MINDY3: variants seen among roughly 807,000 people sequenced by gnomAD.
MINDY3 encodes the protein ubiquitin carboxyl-terminal hydrolase MINDY-3.
Under a neutral mutation model 69.2 loss-of-function variants are expected in MINDY3, and 38 were observed. The observed-to-expected ratio is 0.55, with a 90% CI of 0.42 to 0.72. The LOEUF is 0.72. MINDY3 is among the 30% of genes least tolerant of loss of function. MINDY3 has a pLI of 0.00. For missense variants in MINDY3, 522 were observed against 519.0 expected, an observed-to-expected ratio of 1.01 and a Z score of -0.06; for synonymous variants, 192 against 180.1, an observed-to-expected ratio of 1.07 and a Z score of -0.53.
At chr10:15,846,284 T>C (rs1019420048) in intron 2 of MINDY3, among the ~76,000 whole-genome samples, 3 of 152,202 alleles carry the variant, frequency 2.0e-5, no homozygotes, top group Non-Finnish European at 4.4e-5. Context: ...ACCCTCCATT[T>C]AACTATATTC....
intron 4 of MINDY3, 55 bp from the exon 5 acceptor site, chr10:15,838,334 T>TAC: frequency 6.8e-7 from 1 of 1,464,148 alleles, no homozygotes; most frequent in Non-Finnish European, 9.2e-7. Context: ...TGACACAAGA[T>TAC]ACACACAGCA....
intron 1 of MINDY3, among the ~76,000 whole-genome samples, chr10:15,851,756 G>C (rs1457715199): frequency 6.6e-6 from 1 of 151,990 alleles, no homozygotes; most frequent in African/African-American, 2.4e-5. Flanking sequence ...TTGCCAGAAA[G>C]TATTTTAGAA....
chr10:15,837,730 C>T (rs549887586), intron 5 of MINDY3: 25 of 1,049,504 alleles, frequency 2.4e-5, no homozygotes, highest in South Asian at 1.7e-4. Context: ...TACACATTTG[C>T]GGCTTCTTTT....
chr10:15,820,988 T>A (rs1372615451), intron 9 of MINDY3, among the ~76,000 whole-genome samples: 1 of 152,190 alleles, frequency 6.6e-6, no homozygotes, highest in Non-Finnish European at 1.5e-5. Context: ...TAGATCTACT[T>A]CTTTCTCCCA....
At chr10:15,793,753 T>C (rs987455191) in intron 11 of MINDY3, among the ~76,000 whole-genome samples, 1 of 152,092 alleles carries the variant, frequency 6.6e-6, no homozygotes, top group Non-Finnish European at 1.5e-5. Context: ...ACAAGGATGA[T>C]GATCCCTGCC....
At chr10:15,788,380 T>G (rs907786970) in intron 12 of MINDY3, among the ~76,000 whole-genome samples, 37 of 152,282 alleles carry the variant, frequency 2.4e-4, no homozygotes, top group African/African-American at 8.4e-4. Context: ...CTAGTTTATG[T>G]GTATTGCATA....
intron 2 of MINDY3, 32 bp from the exon 3 acceptor site, chr10:15,843,304 T>A: frequency 6.6e-7 from 1 of 1,512,860 alleles, no homozygotes; most frequent in Non-Finnish European, 9.2e-7. Context: ...ATTAGTGAAA[T>A]GCATTATAAC....
intron 1 of MINDY3, among the ~76,000 whole-genome samples, chr10:15,851,777 G>T (rs372908244): frequency 6.6e-6 from 1 of 152,060 alleles, no homozygotes; most frequent in Admixed American, 6.6e-5. Context: ...ATGGAAATCA[G>T]ATTTTGACAC....
chr10:15,814,698 T>C (rs1393285364), intron 10 of MINDY3, among the ~76,000 whole-genome samples: 3 of 152,160 alleles, frequency 2.0e-5, no homozygotes, highest in East Asian at 3.9e-4. Flanking sequence ...CTGGCTGCCA[T>C]GGGACACGCA....
chr10:15,817,066 AAT>A (rs1839425017), intron 9 of MINDY3, 151 bp from the exon 10 acceptor site: 8 of 618,666 alleles, frequency 1.3e-5, no homozygotes, highest in Non-Finnish European at 2.3e-5. Context: ...ATAGAGATCA[AAT>A]GCTGAATGTA....
intron 1 of MINDY3, among the ~76,000 whole-genome samples, chr10:15,850,162 T>C (rs1834177199): frequency 1.3e-5 from 2 of 152,244 alleles, no homozygotes; most frequent in Admixed American, 6.5e-5. Context: ...AATACTCTTA[T>C]AATTTCCTAT....
chr10:15,850,168 C>A (rs181572898), intron 1 of MINDY3, among the ~76,000 whole-genome samples: 4 of 152,326 alleles, frequency 2.6e-5, no homozygotes, highest in Non-Finnish European at 5.9e-5. Flanking sequence ...CTTATAATTT[C>A]CTATGCCTGT....
chr10:15,792,371 A>G (rs1318664882), intron 11 of MINDY3, among the ~76,000 whole-genome samples: 1 of 152,116 alleles, frequency 6.6e-6, no homozygotes, highest in African/African-American at 2.4e-5. Context: ...AAGCTCATAA[A>G]TAAGTAGCTC....
chr10:15,843,260 T>G lies in MINDY3; in HGVS notation c.187A>C (p.Lys63Gln). 6.2e-7 allele frequency: 1 copy of G among 1,612,020 alleles called. No homozygotes were observed. Among genetic ancestry groups the G allele is most frequent in the Non-Finnish European group, 8.5e-7 (1 of 1,178,252 alleles). Reference sequence around the variant, plus strand: ...TTCTCCGAAGAAAACAGGAGCTTCTTCAAAAGAAATGCCTTTACACAATTA... The same window carrying G: ...TTCTCCGAAGAAAACAGGAGCTTCTGCAAAAGAAATGCCTTTACACAATTA... Reference protein sequence around the residue: ...VIAPVQAFLLKKLLFSSEKSS... With the variant: ...VIAPVQAFLLQKLLFSSEKSS... The change falls in exon 3 of 15, where the codon AAG (lysine) becomes CAG (glutamine). Residue 63 changes from lysine (K) to glutamine (Q), a missense_variant. Transcript: ENST00000277632.
At chr10:15,840,276 CTTG>C (rs923210464) in intron 4 of MINDY3, among the ~76,000 whole-genome samples, 3 of 151,680 alleles carry the variant, frequency 2.0e-5, no homozygotes, top group African/African-American at 4.8e-5. Flanking sequence ...CTGTTTTCCA[CTTG>C]TTGTCTTCAA....
chr10:15,826,252 G>T (rs979724108), intron 8 of MINDY3, among the ~76,000 whole-genome samples: 1 of 152,152 alleles, frequency 6.6e-6, no homozygotes, highest in African/African-American at 2.4e-5. Flanking sequence ...AGAGAAACAT[G>T]ATCTCACTGA....
At chr10:15,842,267 G>A (rs1430102824) in intron 3 of MINDY3, among the ~76,000 whole-genome samples, 2 of 151,780 alleles carry the variant, frequency 1.3e-5, no homozygotes, top group Admixed American at 6.6e-5. Context: ...GATACAAGGA[G>A]GTTTCTGTCT....
In MINDY3 at chr10:15,788,149, T is replaced by G. The variant is rs191291230; in HGVS notation, c.1028+1098A>C. Among the ~76,000 whole-genome samples, 21 of 152,274 alleles carry G rather than the reference T, an allele frequency of 1.4e-4. No individual in the cohort carries two copies. In the East Asian group the frequency reaches 4.1e-3, roughly 29 times the overall value. ...ACAAAAATTACTTGAGTTAATTCTCTTTTGTAAATTAGAGCAGTGTAAACA... is the reference window on the plus strand; with the variant it reads ...ACAAAAATTACTTGAGTTAATTCTCGTTTGTAAATTAGAGCAGTGTAAACA... On this transcript the variant is annotated intron_variant, in intron 12 of 14. Transcript: ENST00000277632.
intron 8 of MINDY3, among the ~76,000 whole-genome samples, chr10:15,825,987 T>C (rs1467514576): frequency 6.6e-6 from 1 of 151,930 alleles, no homozygotes; most frequent in African/African-American, 2.4e-5. Context: ...CAAAAATAAA[T>C]AAACAATATG....
Sources: allele counts gnomAD v4.1 joint callset (sites outside exome capture counted in the v4.1 genomes callset), GRCh38; gene constraint gnomAD v4.1.1; transcripts MANE v1.5; gene names NCBI Gene and HGNC (gene_info 2026-07-23, HGNC 2026-07-21).